The following WWOX variants were observed in gnomAD, a reference collection of about 807,000 sequenced individuals.
WWOX encodes WW domain-containing oxidoreductase.
In WWOX, 69 loss-of-function variants were observed where a neutral mutation model predicts 46.2. The ratio of observed to expected loss-of-function variants is 1.49; its 90% CI spans 1.23 to 1.82. The LOEUF (loss-of-function observed/expected upper bound fraction) is 1.82. WWOX is among the 40% of genes most tolerant of loss of function. The pLI is 0.00. For missense variants in WWOX, 919 were observed against 542.6 expected, an observed-to-expected ratio of 1.69 and a Z score of -6.89; for synonymous variants, 359 against 202.6, an observed-to-expected ratio of 1.77 and a Z score of -6.56.
intron 5 of WWOX, among the ~76,000 whole-genome samples, chr16:78,268,929 A>G (rs1007751030): frequency 2.6e-5 from 4 of 152,188 alleles, no homozygotes; most frequent in Non-Finnish European, 5.9e-5. Context: ...CTCTGAGGCA[A>G]CCATGATTAG....
At chr16:79,020,651 C>T (rs778965134) in intron 8 of WWOX, among the ~76,000 whole-genome samples, 26 of 152,056 alleles carry the variant, frequency 1.7e-4, no homozygotes, top group Non-Finnish European at 3.5e-4. Flanking sequence ...ACATTTCAGG[C>T]CAATGTGATA....
At chr16:78,462,645 G>C (rs929373023) in intron 8 of WWOX, among the ~76,000 whole-genome samples, 3 of 152,334 alleles carry the variant, frequency 2.0e-5, no homozygotes, top group South Asian at 2.1e-4. Context: ...GGCAGGAGCA[G>C]ATGAACTGCC....
intron 8 of WWOX, among the ~76,000 whole-genome samples, chr16:78,564,669 G>T (rs578057703): frequency 6.6e-6 from 1 of 151,978 alleles, no homozygotes; most frequent in Middle Eastern, 3.4e-3. Context: ...CTGGCCACTC[G>T]GGAGCTCAAA....
chr16:79,195,378 C>G (rs2051218942), intron 8 of WWOX, among the ~76,000 whole-genome samples: 2 of 152,092 alleles, frequency 1.3e-5, no homozygotes, highest in African/African-American at 4.8e-5. Context: ...TTCAGAGATG[C>G]AAGGAGGTCA....
chr16:78,473,221 C>A (rs1024089685), intron 8 of WWOX, among the ~76,000 whole-genome samples: 5 of 152,194 alleles, frequency 3.3e-5, no homozygotes, highest in Admixed American at 1.3e-4. Flanking sequence ...CCTGCATCTC[C>A]CACGTTCAAG....
chr16:78,809,524 C>T (rs1026300775), intron 8 of WWOX, among the ~76,000 whole-genome samples: 5 of 152,118 alleles, frequency 3.3e-5, no homozygotes, highest in Non-Finnish European at 7.4e-5. Context: ...GGCAGTATTC[C>T]TTTCCAACTT....
chr16:78,127,025 G>C (rs1351325988), intron 4 of WWOX, among the ~76,000 whole-genome samples: 1 of 152,130 alleles, frequency 6.6e-6, no homozygotes, highest in Non-Finnish European at 1.5e-5. Flanking sequence ...AAGCTTCATT[G>C]GTAGCAAGTT....
intron 8 of WWOX, chr16:78,896,411 G>C (rs1212474096): frequency 1.3e-5 from 2 of 152,094 alleles, no homozygotes; most frequent in Non-Finnish European, 2.9e-5. Flanking sequence ...GCCCTGAATC[G>C]TGTATTCTAC....
chr16:78,865,555 T>C (rs903623141), intron 8 of WWOX, among the ~76,000 whole-genome samples: 3 of 152,130 alleles, frequency 2.0e-5, no homozygotes, highest in Admixed American at 6.5e-5. Flanking sequence ...TGAGAATGAA[T>C]TGAGGCAAGG....
At chr16:78,201,332 A>G (rs1299872126) in intron 5 of WWOX, among the ~76,000 whole-genome samples, 1 of 152,164 alleles carries the variant, frequency 6.6e-6, no homozygotes, top group African/African-American at 2.4e-5. Flanking sequence ...AAAACTTATT[A>G]AGCTTATGAG....
At position 78,563,879 on chromosome 16, in the gene WWOX, C is replaced by G. The variant is rs182193320; in HGVS notation, c.1056+131127C>G. Among the ~76,000 whole-genome samples, 99 of 152,308 alleles carry G rather than the reference C, an allele frequency of 6.5e-4. 1 individual carries two copies. The highest frequency in any genetic ancestry group is 2.2e-3 in the African/African-American group (92 of 41,572). ...TCCAAAGGTGAAGTTCGTTTGTCCA[C>G]TCCTTGAACCAGGATGGCATGAAAC... On this transcript the variant is annotated intron_variant, in intron 8 of 8. Coordinates refer to ENST00000566780, the MANE Select transcript of WWOX (RefSeq NM_016373.4).
At chr16:78,150,080 C>G (rs777565161) in intron 4 of WWOX, among the ~76,000 whole-genome samples, 2 of 152,160 alleles carry the variant, frequency 1.3e-5, no homozygotes, top group South Asian at 4.1e-4. Flanking sequence ...ATGCCAGTAG[C>G]AAGTTCAAGA....
At chr16:78,930,747 C>G (rs1461208394) in intron 8 of WWOX, among the ~76,000 whole-genome samples, 1 of 152,120 alleles carries the variant, frequency 6.6e-6, no homozygotes, top group Non-Finnish European at 1.5e-5. Flanking sequence ...GAAGAACTCA[C>G]TGAAAAGTCC....
intron 8 of WWOX, among the ~76,000 whole-genome samples, chr16:79,066,407 A>G (rs80312559): frequency 0.012 from 1,773 of 152,244 alleles, 34 homozygotes; most frequent in African/African-American, 0.04. Flanking sequence ...CTTCGTCACC[A>G]TTTTGACATC....
chr16:78,915,292 T>C (rs1248593325), intron 8 of WWOX, among the ~76,000 whole-genome samples: 2 of 152,214 alleles, frequency 1.3e-5, no homozygotes, highest in Non-Finnish European at 2.9e-5. Context: ...TGGTCACCTG[T>C]CCTTTATCTT....
chr16:78,449,013 G>A (rs2083625805), intron 8 of WWOX, among the ~76,000 whole-genome samples: 1 of 152,138 alleles, frequency 6.6e-6, no homozygotes, highest in African/African-American at 2.4e-5. Context: ...TTAAAGATAA[G>A]CAGTGTTATT....
At chr16:78,188,305 C>T (rs550399058) in intron 5 of WWOX, among the ~76,000 whole-genome samples, 183 of 151,972 alleles carry the variant, frequency 1.2e-3, no homozygotes, top group African/African-American at 3.7e-3. Flanking sequence ...CTGGCTAACA[C>T]GGTGAAACCC....
Position 78,861,369 on chromosome 16 carries a change from T to C in WWOX, c.1057-350239T>C, listed in dbSNP as rs549259152. On this transcript the variant is annotated intron_variant, in intron 8 of 8. Coordinates refer to ENST00000566780, the MANE Select transcript of WWOX (RefSeq NM_016373.4). ...TAAAATTATTTTTGGCTCCAGCTTATTATTTTAAAATGTAAAATGATTTAC... is the reference window on the plus strand; with the variant it reads ...TAAAATTATTTTTGGCTCCAGCTTACTATTTTAAAATGTAAAATGATTTAC... Among the ~76,000 whole-genome samples the C allele has an allele frequency of 1.3e-3, 205 of 152,360 alleles. 1 individual carries two copies. The highest frequency in any genetic ancestry group is 1.9e-3 in the Non-Finnish European group (128 of 68,034).
At chr16:79,012,113 G>C (rs779103888) in intron 8 of WWOX, among the ~76,000 whole-genome samples, 1 of 152,288 alleles carries the variant, frequency 6.6e-6, no homozygotes, top group African/African-American at 2.4e-5. Context: ...CAGTGCTCTC[G>C]GCCCGCGCTG....
Sources: gnomAD v4.1 joint callset for allele counts (sites outside exome capture counted in the v4.1 genomes callset) on GRCh38, gnomAD v4.1.1 for gene constraint, MANE v1.5 for transcripts, NCBI Gene and HGNC (gene_info 2026-07-23, HGNC 2026-07-21) for gene names.